The following MSI2 variants were observed in gnomAD, a reference collection of about 807,000 sequenced individuals.
MSI2 encodes the protein musashi RNA binding protein 2, also known as RNA-binding protein Musashi homolog 2.
Under a neutral mutation model 45.6 loss-of-function variants are expected in MSI2, and 17 were observed. The ratio of observed to expected loss-of-function variants is 0.37; its 90% CI spans 0.26 to 0.56. The LOEUF (loss-of-function observed/expected upper bound fraction) is 0.56. Among genes scored for constraint, MSI2 ranks in the 20% least tolerant of loss-of-function variants. MSI2 has a pLI of 0.77. For missense variants in MSI2, 293 were observed against 444.2 expected (o/e 0.66, Z 3.06); for synonymous variants, 156 against 158.2 (o/e 0.99, Z 0.11).
At chr17:57,263,240 T>C (rs1907481758) in intron 5 of MSI2, among the ~76,000 whole-genome samples, 1 of 152,202 alleles carries the variant, frequency 6.6e-6, no homozygotes, top group Non-Finnish European at 1.5e-5. Flanking sequence ...TACCACTTGA[T>C]TGATTGATTC....
At chr17:57,367,636 G>A (rs1001976748) in intron 5 of MSI2, among the ~76,000 whole-genome samples, 1 of 152,184 alleles carries the variant, frequency 6.6e-6, no homozygotes, top group Non-Finnish European at 1.5e-5. Context: ...TTATTAAGGG[G>A]GATCAGTGGA....
intron 6 of MSI2, among the ~76,000 whole-genome samples, chr17:57,408,311 G>A (rs559876523): frequency 2.0e-5 from 3 of 152,296 alleles, no homozygotes; most frequent in East Asian, 3.9e-4. Context: ...ATTATTGCTC[G>A]TTAACAGTGT....
intron 5 of MSI2, among the ~76,000 whole-genome samples, chr17:57,368,040 A>C (rs747902498): frequency 1.6e-4 from 24 of 152,260 alleles, no homozygotes; most frequent in Non-Finnish European, 3.1e-4. Flanking sequence ...GAACTAGAAC[A>C]GTGGTACCCA....
chr17:57,571,859 C>G (rs952139388), intron 7 of MSI2, among the ~76,000 whole-genome samples: 1 of 152,238 alleles, frequency 6.6e-6, no homozygotes, highest in Non-Finnish European at 1.5e-5. Context: ...CTGCGTGCCT[C>G]TGCCTTCCCC....
In MSI2 at chr17:57,533,157, G is replaced by A. The variant is rs183295271; in HGVS notation, c.454+3433G>A. 5.5e-3 allele frequency among the ~76,000 whole-genome samples: 834 copies of A among 152,302 alleles called. 4 individuals carry two copies. Among genetic ancestry groups the A allele is most frequent in the South Asian group, 0.022 (104 of 4,830 alleles). On this transcript the variant is annotated intron_variant, in intron 7 of 13. Transcript: ENST00000284073. Reference sequence around the variant, plus strand: ...CTCCCTGTTGGTCTCTGTTGGGGCAGGGATGCCCTCAGTTCCATCTGCATG... The same window carrying A: ...CTCCCTGTTGGTCTCTGTTGGGGCAAGGATGCCCTCAGTTCCATCTGCATG...
chr17:57,479,805 G>T (rs2085612694), intron 6 of MSI2, among the ~76,000 whole-genome samples: 1 of 152,140 alleles, frequency 6.6e-6, no homozygotes, highest in African/African-American at 2.4e-5. Flanking sequence ...CTTCCCACAT[G>T]ATCCATTTGA....
At chr17:57,497,014 G>A (rs145996423) in intron 6 of MSI2, among the ~76,000 whole-genome samples, 2 of 152,126 alleles carry the variant, frequency 1.3e-5, no homozygotes, top group Non-Finnish European at 2.9e-5. Context: ...TTTCGCTCTC[G>A]TTGCCCAGGC....
intron 6 of MSI2, among the ~76,000 whole-genome samples, chr17:57,466,408 G>A (rs945148088): frequency 6.6e-6 from 1 of 152,202 alleles, no homozygotes; most frequent in African/African-American, 2.4e-5. Context: ...AGCTGTATGG[G>A]AGGCGGCAGT....
chr17:57,305,239 CCTT>C (rs1911780028), intron 5 of MSI2, among the ~76,000 whole-genome samples: 1 of 152,114 alleles, frequency 6.6e-6, no homozygotes, highest in Non-Finnish European at 1.5e-5. Context: ...TCTGGTGGCA[CCTT>C]CTCAGGAGGA....
At chr17:57,600,903 C>G (rs1905802487) in intron 8 of MSI2, 1 of 152,246 alleles carries the variant, frequency 6.6e-6, no homozygotes, top group Non-Finnish European at 1.5e-5. Flanking sequence ...TCCCCACTTA[C>G]AGATTGGCAA....
At chr17:57,590,282 A>T (rs900707213) in intron 7 of MSI2, among the ~76,000 whole-genome samples, 2 of 152,164 alleles carry the variant, frequency 1.3e-5, no homozygotes, top group African/African-American at 2.4e-5. Flanking sequence ...GGCTAGGAGG[A>T]GGCTGTTCCC....
At position 57,280,728 on chromosome 17, in the gene MSI2, A is replaced by G. The variant is rs182613480; in HGVS notation, c.312+18536A>G. Among the ~76,000 whole-genome samples the G allele has an allele frequency of 2.1e-4, 32 of 152,308 alleles. No homozygotes were observed. Among genetic ancestry groups the G allele is most frequent in the Admixed American group, 1.8e-3 (27 of 15,298 alleles). ...GTTTTTGAGCTTGCACTGTATACAT[A>G]TTTATTTATAAATGACATACATATA... On this transcript the variant is annotated intron_variant, in intron 5 of 13. Coordinates refer to ENST00000284073, the MANE Select transcript of MSI2 (RefSeq NM_138962.4). The surrounding 1 kb of genome is among the most constrained non-coding windows in gnomAD (Gnocchi z 4.2).
In MSI2 at chr17:57,256,877, C is replaced by T. The variant is rs1225085465; in HGVS notation, c.62+73C>T. The T allele has an allele frequency of 2.2e-4, 269 of 1,224,014 alleles. 2 individuals are homozygous for T. The East Asian group carries it at 7.4e-3, about 34-fold the overall frequency. The allele number at this position is 1,224,014 out of a possible 1,614,324, so 75.8% of individuals were successfully genotyped here. A position where few individuals can be genotyped will look rare whatever the true frequency, so the allele number is the denominator to read the frequency against. On this transcript the variant is annotated intron_variant, in intron 1 of 13. Transcript: ENST00000284073. ...TTGCAGCGGCGGGGACGGCGGTGCG[C>T]GGAGCCGGGCATCTCCCGCGCCCCC...
chr17:57,584,335 C>T (rs1036087254), intron 7 of MSI2, among the ~76,000 whole-genome samples: 10 of 152,182 alleles, frequency 6.6e-5, no homozygotes, highest in African/African-American at 2.4e-4. Flanking sequence ...GACCCCACCC[C>T]CTGGTGAATT....
intron 6 of MSI2, among the ~76,000 whole-genome samples, chr17:57,422,799 A>G (rs1248444179): frequency 6.6e-6 from 1 of 152,186 alleles, no homozygotes; most frequent in Non-Finnish European, 1.5e-5. Context: ...TAATTTGGAT[A>G]TTACTTTGTC....
rs907837618 is a variant in MSI2, at chr17:57,552,057, G to C, written c.454+22333G>C. On this transcript the variant is annotated intron_variant, in intron 7 of 13. Transcript: ENST00000284073. This position sits in a 1 kb window ranked among gnomAD's most constrained non-coding sequence, Gnocchi z 4.3. ...TGGAACAGAGAATGTGCTGGACCTA[G>C]AGCCCCTCGTCCTGGGGCTCAAGGA... Among the ~76,000 whole-genome samples the C allele has an allele frequency of 6.6e-6, 1 of 152,156 alleles. No individual in the cohort carries two copies. The highest frequency in any genetic ancestry group is 2.4e-5 in the African/African-American group (1 of 41,426).
chr17:57,314,820 T>G (rs1461423426), intron 5 of MSI2, among the ~76,000 whole-genome samples: 4 of 152,142 alleles, frequency 2.6e-5, no homozygotes, highest in Non-Finnish European at 5.9e-5. Flanking sequence ...TCTGCCCGCC[T>G]CGGTCTCCCA....
intron 10 of MSI2, among the ~76,000 whole-genome samples, chr17:57,647,471 AAAAG>A (rs796426137): frequency 3.0e-4 from 45 of 150,854 alleles, no homozygotes; most frequent in African/African-American, 9.7e-4. Flanking sequence ...AAGTAAAGGA[AAAAG>A]AAAGAAATTC....
chr17:57,584,829 G>T (rs2088302205), intron 7 of MSI2, among the ~76,000 whole-genome samples: 1 of 151,708 alleles, frequency 6.6e-6, no homozygotes, highest in Non-Finnish European at 1.5e-5. Context: ...TGCACCTTAG[G>T]GTCTTTTTTT....
Sources: gnomAD v4.1 joint callset for allele counts (sites outside exome capture counted in the v4.1 genomes callset) on GRCh38, gnomAD v4.1.1 for gene constraint, Gnocchi (gnomAD v3.1) non-coding constraint, MANE v1.5 for transcripts, NCBI Gene and HGNC (gene_info 2026-07-23, HGNC 2026-07-21) for gene names.